MYOF: variants seen among roughly 807,000 people sequenced by gnomAD.
MYOF encodes the protein myoferlin, also known as fer-1-like 3, myoferlin.
A neutral mutation model predicts 284.2 loss-of-function variants in MYOF; 244 were observed. The observed-to-expected ratio is 0.86, with a 90% CI of 0.77 to 0.95. The LOEUF is 0.95. Ranked by LOEUF, MYOF falls within the 40% of genes least tolerant of loss-of-function variation. The pLI is 0.00. For missense variants in MYOF, 2,496 were observed against 2,560.6 expected (o/e 0.97, Z 0.54); for synonymous variants, 904 against 919.7 (o/e 0.98, Z 0.31).
At chr10:93,339,607 T>C (rs887648549) in intron 39 of MYOF, among the ~76,000 whole-genome samples, 2 of 148,146 alleles carry the variant, frequency 1.4e-5, no homozygotes, top group African/African-American at 4.9e-5. Context: ...AAATCTGGGA[T>C]TACAAGCACT....
intron 11 of MYOF, 57 bp downstream of exon 11, chr10:93,402,175 A>G (rs1446517169): frequency 1.4e-6 from 2 of 1,421,396 alleles, no homozygotes; most frequent in African/African-American, 1.4e-5. Flanking sequence ...CACATGCTTA[A>G]CTCTTGGCCT....
intron 38 of MYOF, among the ~76,000 whole-genome samples, chr10:93,342,546 A>G (rs374950139): frequency 6.6e-6 from 1 of 152,230 alleles, no homozygotes; most frequent in South Asian, 2.1e-4. Flanking sequence ...GTTTAACTCT[A>G]TGATGTAAAC....
intron 30 of MYOF, 146 bp from the exon 31 acceptor site, chr10:93,355,882 A>G (rs1013506422): frequency 8.4e-6 from 5 of 598,438 alleles, no homozygotes; most frequent in Admixed American, 4.8e-5. Context: ...TTAAAGATGA[A>G]TAAGTCCCAG....
At chr10:93,417,036 G>A in intron 5 of MYOF, among the ~76,000 whole-genome samples, 1 of 152,212 alleles carries the variant, frequency 6.6e-6, no homozygotes, top group East Asian at 1.9e-4. Flanking sequence ...CTGTCACACA[G>A]CTTGATAGTG....
chr10:93,307,086 T>G (rs1371914198), intron 53 of MYOF, 85 bp from the exon 54 acceptor site: 11 of 1,287,180 alleles, frequency 8.5e-6, no homozygotes, highest in Non-Finnish European at 1.2e-5. Flanking sequence ...GAGAAAAAAT[T>G]GACATTTTGA....
chr10:93,424,928 C>CTTT (rs1433325912), intron 5 of MYOF, among the ~76,000 whole-genome samples: 22 of 92,744 alleles, frequency 2.4e-4, no homozygotes, highest in African/African-American at 1.0e-4. Flanking sequence ...GGGAGAATTC[C>CTTT]ATTTTTTTTT....
intron 6 of MYOF, 67 bp downstream of exon 6, chr10:93,409,506 C>A: frequency 6.5e-7 from 1 of 1,548,140 alleles, no homozygotes; most frequent in Non-Finnish European, 8.8e-7. Context: ...TGAAACATCA[C>A]TGCAATTGCC....
rs1209053042 is a variant in MYOF at position 93,409,036 on chromosome 10, T to C, written c.601-121A>G. ...TTGCTAACACCAGGCCAGGGCAGCT[T>C]TGTGCTATACCAGGTGCTACCAATT... is the stretch of plus-strand genomic sequence containing the variant. On this transcript the variant is annotated intron_variant, in intron 6 of 53. Coordinates refer to ENST00000359263, the MANE Select transcript of MYOF (RefSeq NM_013451.4). The C allele has an allele frequency of 2.7e-6, 4 of 1,458,640 alleles. No individual in the cohort carries two copies. In the African/African-American group the frequency reaches 4.2e-5, roughly 15 times the overall value. The allele number at this position is 1,458,640 out of a possible 1,614,324, so 90.4% of individuals were successfully genotyped here.
intron 3 of MYOF, among the ~76,000 whole-genome samples, chr10:93,438,268 C>T (rs2056130849): frequency 6.6e-6 from 1 of 152,160 alleles, no homozygotes; most frequent in African/African-American, 2.4e-5. Context: ...ATCTCTCTTC[C>T]TTCCCACGAG....
intron 35 of MYOF, among the ~76,000 whole-genome samples, chr10:93,350,482 T>C (rs1844455414): frequency 6.6e-6 from 1 of 152,064 alleles, no homozygotes; most frequent in Admixed American, 6.5e-5. Flanking sequence ...CTAGCTAATT[T>C]TTGTATTTTT....
At position 93,364,046 on chromosome 10, in the gene MYOF, G is replaced by T. The variant is rs142449029; in HGVS notation, c.2783C>A (p.Thr928Lys). 3 of 1,614,160 alleles carry T rather than the reference G, an allele frequency of 1.9e-6. No homozygotes were observed. Among genetic ancestry groups the T allele is most frequent in the Middle Eastern group, 1.6e-4 (1 of 6,062 alleles). ...CTGATAGACTTCATCAGTGAACTCC[G>T]TGTGACCTGCATCTGCCTCAGTCAG... ...SLLTEADAGH[T>K]EFTDEVYQNE... The change falls in exon 27 of 54, where the codon ACG becomes AAG. Residue 928 changes from threonine to lysine, a missense_variant. By Grantham distance (78) the Thr-to-Lys change is moderately conservative. This residue lies in a region of MYOF where 2,436 missense variants were observed against 2,480.7 expected (regional missense o/e 0.98). Transcript: ENST00000359263.
rs753802404 is a variant in MYOF, at chr10:93,366,523, C to A, written c.2622G>T (p.Trp874Cys). ...GACGTCCTACTAATCCAGAAGTACC[C>A]CATTTTCCAAACATGAGAGCTTGAT... Reference protein sequence around the residue: ...YENQALMFGKWGTSGLVGRHK... With the variant: ...YENQALMFGKCGTSGLVGRHK... Residue 874 changes from tryptophan (W) to cysteine (C), a missense_variant, in exon 26 of 54, where the codon TGG becomes TGT. Trp to Cys is a radical substitution (Grantham distance 215). Around this residue, in one of 3 missense-constraint regions of MYOF, gnomAD observed 2,436 missense variants for 2,480.7 expected, o/e 0.98. Coordinates refer to ENST00000359263, the MANE Select transcript of MYOF (RefSeq NM_013451.4). 2 of 1,611,430 alleles carry A rather than the reference C, an allele frequency of 1.2e-6. No individual in the cohort carries two copies. Among genetic ancestry groups the A allele is most frequent in the Non-Finnish European group, 1.7e-6 (2 of 1,179,312 alleles).
intron 5 of MYOF, among the ~76,000 whole-genome samples, chr10:93,421,570 T>A (rs1848359206): frequency 6.6e-6 from 1 of 152,168 alleles, no homozygotes; most frequent in Admixed American, 6.5e-5. Context: ...TGGGGGTGGA[T>A]CCCTCCTGAA....
At chr10:93,311,680 C>G (rs1842400178) in intron 51 of MYOF, among the ~76,000 whole-genome samples, 1 of 151,966 alleles carries the variant, frequency 6.6e-6, no homozygotes, top group African/African-American at 2.4e-5. Flanking sequence ...TTTCTAAGAG[C>G]CAGGAAAGGC....
At chr10:93,393,100 C>A (rs1846780419) in intron 16 of MYOF, 145 bp from the exon 17 acceptor site, 2 of 693,094 alleles carry the variant, frequency 2.9e-6, no homozygotes, top group South Asian at 3.4e-5. Flanking sequence ...TCACATATGA[C>A]CCTTTTGTAA....
intron 3 of MYOF, among the ~76,000 whole-genome samples, chr10:93,441,469 C>T (rs550281881): frequency 1.2e-4 from 18 of 151,852 alleles, no homozygotes; most frequent in Non-Finnish European, 2.6e-4. Context: ...ATTGCAAGCT[C>T]CACCTCTTGA....
chr10:93,479,797 T>C (rs2057349053), intron 1 of MYOF, among the ~76,000 whole-genome samples: 1 of 152,196 alleles, frequency 6.6e-6, no homozygotes, highest in African/African-American at 2.4e-5. Flanking sequence ...TGAATGACTT[T>C]ACCACTCGAT....
At chr10:93,445,111 G>C (rs543033044) in intron 3 of MYOF, among the ~76,000 whole-genome samples, 45 of 152,252 alleles carry the variant, frequency 3.0e-4, no homozygotes, top group African/African-American at 9.4e-4. Context: ...TCAAAATTAG[G>C]AAGAAAAATC....
At chr10:93,382,370 C>T (rs1302545995) in intron 19 of MYOF, among the ~76,000 whole-genome samples, 2 of 151,962 alleles carry the variant, frequency 1.3e-5, no homozygotes, top group African/African-American at 4.8e-5. Context: ...CTAGCTGCGA[C>T]TACAGGTGCG....
Sources: gnomAD v4.1 joint callset for allele counts (sites outside exome capture counted in the v4.1 genomes callset) on GRCh38, gnomAD v4.1.1 for gene constraint, gnomAD v4.1.1 regional missense constraint, MANE v1.5 for transcripts, NCBI Gene and HGNC (gene_info 2026-07-23, HGNC 2026-07-21) for gene names.